The following GALNT13 variants were observed in gnomAD, a reference collection of about 807,000 sequenced individuals.
The protein encoded by GALNT13 is UDP-GalNAc:polypeptide N-acetylgalactosaminyltransferase 13.
GALNT13 carries 28 observed loss-of-function variants against 64.2 expected under a neutral mutation model. That is an observed-to-expected ratio of 0.44 (90% CI 0.32 to 0.60). The LOEUF (loss-of-function observed/expected upper bound fraction) is 0.60. GALNT13 is among the 20% of genes least tolerant of loss of function. GALNT13 has a pLI of 0.05. For missense variants in GALNT13, 577 were observed against 669.8 expected, an observed-to-expected ratio of 0.86 and a Z score of 1.53; for synonymous variants, 214 against 224.6, an observed-to-expected ratio of 0.95 and a Z score of 0.42.
chr2:154,284,090 A>G (rs1016461648), intron 8 of GALNT13, among the ~76,000 whole-genome samples: 3 of 152,192 alleles, frequency 2.0e-5, no homozygotes, highest in African/African-American at 4.8e-5. Flanking sequence ...TAACATATCC[A>G]TCACCTCCCC....
chr2:153,441,829 A>C, the GALNT13 span, among the ~76,000 whole-genome samples: 1 of 152,184 alleles, frequency 6.6e-6, no homozygotes, highest in South Asian at 2.1e-4. Context: ...GTTGCTTATC[A>C]GCTTAAGTAG....
the GALNT13 span, among the ~76,000 whole-genome samples, chr2:153,179,888 C>T: frequency 1.3e-5 from 2 of 151,902 alleles, no homozygotes; most frequent in Non-Finnish European, 2.9e-5. Flanking sequence ...TTTTATATCC[C>T]ATAAGGTTAC....
intron 9 of GALNT13, among the ~76,000 whole-genome samples, chr2:154,393,608 T>A (rs952476963): frequency 2.0e-5 from 3 of 152,226 alleles, no homozygotes; most frequent in African/African-American, 7.2e-5. Context: ...AAAGGTAATT[T>A]AGCATAATTA....
At chr2:153,188,395 A>C in the GALNT13 span, among the ~76,000 whole-genome samples, 7 of 131,638 alleles carry the variant, frequency 5.3e-5, no homozygotes, top group Non-Finnish European at 8.7e-5. Flanking sequence ...CTAAATAATA[A>C]TGGCATGAAA....
chr2:154,361,982 C>T (rs1697095686), intron 9 of GALNT13, among the ~76,000 whole-genome samples: 1 of 152,040 alleles, frequency 6.6e-6, no homozygotes, highest in South Asian at 2.1e-4. Flanking sequence ...TTTAGTTTGC[C>T]CACAGTTCTT....
chr2:153,416,163 T>C, the GALNT13 span, among the ~76,000 whole-genome samples: 3 of 152,194 alleles, frequency 2.0e-5, no homozygotes, highest in Admixed American at 1.3e-4. Flanking sequence ...TATTAAGAAA[T>C]ACTCTGAAAG....
At chr2:153,670,334 G>A in the GALNT13 span, among the ~76,000 whole-genome samples, 25,809 of 152,128 alleles carry the variant, frequency 0.17, 2,721 homozygotes, top group Non-Finnish European at 0.23. Context: ...TCTCTGGGAC[G>A]AAGATTCCAG....
the GALNT13 span, among the ~76,000 whole-genome samples, chr2:153,251,441 C>G: frequency 6.6e-6 from 1 of 152,226 alleles, no homozygotes; most frequent in East Asian, 1.9e-4. Context: ...CTATGAAACT[C>G]TAACACTCTA....
the GALNT13 span, among the ~76,000 whole-genome samples, chr2:153,104,656 A>G: frequency 6.6e-6 from 1 of 152,162 alleles, no homozygotes; most frequent in African/African-American, 2.4e-5. Flanking sequence ...CTATTATTCC[A>G]AAGTCTGAAG....
At chr2:153,695,126 C>T in the GALNT13 span, among the ~76,000 whole-genome samples, 1 of 152,102 alleles carries the variant, frequency 6.6e-6, no homozygotes, top group Non-Finnish European at 1.5e-5. Flanking sequence ...ATAACAACAC[C>T]TGTAACATAT....
At chr2:153,114,115 T>C in the GALNT13 span, among the ~76,000 whole-genome samples, 1 of 152,116 alleles carries the variant, frequency 6.6e-6, no homozygotes, top group East Asian at 1.9e-4. Flanking sequence ...GTTAATGCTA[T>C]GGACAGGACC....
the GALNT13 span, among the ~76,000 whole-genome samples, chr2:153,772,568 A>G: frequency 1.3e-5 from 2 of 152,162 alleles, no homozygotes; most frequent in African/African-American, 4.8e-5. Flanking sequence ...TCCTTCTTGA[A>G]TTAAAGCTCA....
chr2:153,786,824 C>A, the GALNT13 span, among the ~76,000 whole-genome samples: 1 of 152,112 alleles, frequency 6.6e-6, no homozygotes, highest in Non-Finnish European at 1.5e-5. Context: ...GAGCAAAGAC[C>A]ATAAGTATCT....
the GALNT13 span, among the ~76,000 whole-genome samples, chr2:153,141,093 C>T: frequency 2.8e-5 from 3 of 108,176 alleles, no homozygotes; most frequent in African/African-American, 7.9e-5. Context: ...TTATTCTTGA[C>T]ATTTCATATG....
chr2:153,854,808 G>T, the GALNT13 span, among the ~76,000 whole-genome samples: 1 of 152,144 alleles, frequency 6.6e-6, no homozygotes. Flanking sequence ...CTAACACGCT[G>T]CCTCTAAAAT....
chr2:153,140,154 A>G, the GALNT13 span, among the ~76,000 whole-genome samples: 2 of 152,100 alleles, frequency 1.3e-5, no homozygotes, highest in African/African-American at 4.8e-5. Context: ...AAAACTATTT[A>G]TCACGGAAGG....
the GALNT13 span, among the ~76,000 whole-genome samples, chr2:153,493,038 G>A: frequency 2.0e-5 from 3 of 152,054 alleles, no homozygotes; most frequent in Admixed American, 6.6e-5. Flanking sequence ...CAAAAGTGGT[G>A]TTTAGGAAAA....
intron 3 of GALNT13, among the ~76,000 whole-genome samples, chr2:154,101,990 A>T (rs1702371446): frequency 6.6e-6 from 1 of 152,002 alleles, no homozygotes; most frequent in Non-Finnish European, 1.5e-5. Flanking sequence ...ATTTTAGTTC[A>T]CCCTGCTTCA....
At chr2:153,945,966 G>A (rs932264274) in intron 3 of GALNT13, among the ~76,000 whole-genome samples, 10 of 152,072 alleles carry the variant, frequency 6.6e-5, no homozygotes, top group Admixed American at 5.2e-4. Flanking sequence ...TAGTTTACAT[G>A]CATTTTTTAT....
Sources: allele counts gnomAD v4.1 joint callset (sites outside exome capture counted in the v4.1 genomes callset), GRCh38; gene constraint gnomAD v4.1.1; transcripts MANE v1.5; gene names NCBI Gene and HGNC (gene_info 2026-07-23, HGNC 2026-07-21).